SLIT2: variants seen among roughly 807,000 people sequenced by gnomAD.
SLIT2 encodes the protein slit guidance ligand 2, also known as slit homolog 2 protein.
SLIT2 carries 41 observed loss-of-function variants against 185.7 expected under a neutral mutation model. That is an observed-to-expected ratio of 0.22 (90% confidence interval 0.17 to 0.29). The LOEUF (loss-of-function observed/expected upper bound fraction) is 0.29, where lower values mean the gene tolerates loss of function less well. Ranked by LOEUF, SLIT2 falls within the 10% of genes least tolerant of loss-of-function variation. The pLI is 1.00. For synonymous variants in SLIT2, 693 were observed against 680.2 expected, an observed-to-expected ratio of 1.02 and a Z score of -0.29; for missense variants, 1,571 against 1,909.0, an observed-to-expected ratio of 0.82 and a Z score of 3.30.
At chr4:20,597,320 G>A (rs1350349096) in intron 32 of SLIT2, among the ~76,000 whole-genome samples, 1 of 151,830 alleles carries the variant, frequency 6.6e-6, no homozygotes, top group Non-Finnish European at 1.5e-5. Context: ...TACCCACTTC[G>A]GCCTCCCAAA....
At chr4:20,436,742 G>A (rs1411773872) in intron 4 of SLIT2, among the ~76,000 whole-genome samples, 1 of 152,144 alleles carries the variant, frequency 6.6e-6, no homozygotes, top group Non-Finnish European at 1.5e-5. Context: ...ACCATGAAGC[G>A]GAGAAATTGC....
At chr4:20,450,933 G>C (rs1425173196) in intron 4 of SLIT2, among the ~76,000 whole-genome samples, 1 of 152,122 alleles carries the variant, frequency 6.6e-6, no homozygotes, top group Non-Finnish European at 1.5e-5. Flanking sequence ...AAAGAAAAAG[G>C]AGACCCTAAT....
At chr4:20,431,996 ACT>A (rs962195204) in intron 4 of SLIT2, among the ~76,000 whole-genome samples, 4 of 134,438 alleles carry the variant, frequency 3.0e-5, no homozygotes, top group African/African-American at 1.1e-4. Context: ...TAAATCTCTC[ACT>A]CTCTGTGTGT....
At chr4:20,459,268 A>T (rs1161926276) in intron 4 of SLIT2, among the ~76,000 whole-genome samples, 1 of 152,218 alleles carries the variant, frequency 6.6e-6, no homozygotes, top group Non-Finnish European at 1.5e-5. Flanking sequence ...GGAAAGACAT[A>T]CATAGAAGAG....
chr4:20,459,542 C>G (rs985192137), intron 4 of SLIT2, among the ~76,000 whole-genome samples: 1 of 152,074 alleles, frequency 6.6e-6, no homozygotes, highest in Non-Finnish European at 1.5e-5. Context: ...TGTATATCAC[C>G]TGAAAGGAGA....
chr4:20,425,209 A>G (rs907861801), intron 4 of SLIT2, among the ~76,000 whole-genome samples: 2 of 152,124 alleles, frequency 1.3e-5, no homozygotes, highest in African/African-American at 4.8e-5. Context: ...TATTTAAACA[A>G]TAAGTTTTAA....
intron 29 of SLIT2, among the ~76,000 whole-genome samples, chr4:20,573,938 TTTTATTTATTTATTTA>T (rs10673597): frequency 1.4e-5 from 2 of 140,718 alleles, no homozygotes; most frequent in African/African-American, 5.3e-5. Context: ...CATAGAATTA[TTTTATTTATTTATTTA>T]TTTATTTATT....
Position 20,528,872 on chromosome 4 carries a change from C to G in SLIT2, c.1463-77C>G. 5 of 1,220,508 alleles carry G rather than the reference C, an allele frequency of 4.1e-6. No individual in the cohort carries two copies. Among genetic ancestry groups the G allele is most frequent in the Non-Finnish European group, 5.7e-6 (5 of 873,940 alleles). The allele number at this position is 1,220,508 out of a possible 1,614,324, so 75.6% of individuals were successfully genotyped here. ...TGCTACATAATCTATAGTTATCTTA[C>G]TTTTTTCTTCCTACAAACTAATAAA... On this transcript the variant is annotated intron_variant, in intron 15 of 36. Coordinates refer to ENST00000504154, the MANE Select transcript of SLIT2 (RefSeq NM_004787.4). This position sits in a 1 kb window ranked among gnomAD's most constrained non-coding sequence, Gnocchi z 4.2.
chr4:20,460,714 C>T (rs1713608961), intron 4 of SLIT2, among the ~76,000 whole-genome samples: 1 of 152,186 alleles, frequency 6.6e-6, no homozygotes, highest in South Asian at 2.1e-4. Flanking sequence ...TTAACCTCTA[C>T]TTCTATGAGA....
chr4:20,337,044 A>T, intron 4 of SLIT2, among the ~76,000 whole-genome samples: 1 of 152,132 alleles, frequency 6.6e-6, no homozygotes, highest in East Asian at 1.9e-4. Context: ...AGAGTATTTT[A>T]TTAGAATTCT....
At chr4:20,410,446 G>A (rs1257718311) in intron 4 of SLIT2, among the ~76,000 whole-genome samples, 13 of 151,014 alleles carry the variant, frequency 8.6e-5, no homozygotes, top group African/African-American at 2.9e-4. Context: ...AGTAGAGATG[G>A]GGTTTCACCA....
chr4:20,349,765 G>C (rs1340154156), intron 4 of SLIT2, among the ~76,000 whole-genome samples: 1 of 152,178 alleles, frequency 6.6e-6, no homozygotes, highest in Middle Eastern at 3.4e-3. Flanking sequence ...TGACCCTATG[G>C]GTTCAGTTCT....
chr4:20,470,694 GC>G (rs1714897996), intron 5 of SLIT2, among the ~76,000 whole-genome samples: 1 of 152,046 alleles, frequency 6.6e-6, no homozygotes, highest in Non-Finnish European at 1.5e-5. Flanking sequence ...TCCCACCTCA[GC>G]CCCCTGAGTA....
chr4:20,368,744 G>A (rs1441551324), intron 4 of SLIT2, among the ~76,000 whole-genome samples: 3 of 152,052 alleles, frequency 2.0e-5, no homozygotes, highest in African/African-American at 7.2e-5. Context: ...TAAATATGAG[G>A]AATTAAGGCA....
intron 9 of SLIT2, among the ~76,000 whole-genome samples, chr4:20,508,526 G>A (rs1719411369): frequency 6.6e-6 from 1 of 151,958 alleles, no homozygotes; most frequent in Non-Finnish European, 1.5e-5. Context: ...TGTATGATAT[G>A]TTATTGGATG....
chr4:20,303,726 TTCTG>T (rs1303733319), intron 4 of SLIT2, among the ~76,000 whole-genome samples: 2 of 152,204 alleles, frequency 1.3e-5, no homozygotes, highest in African/African-American at 4.8e-5. Context: ...GGTTTCTTCT[TTCTG>T]TCTATGTGGG....
chr4:20,505,722 A>C (rs1269619884), intron 9 of SLIT2, among the ~76,000 whole-genome samples: 1 of 152,102 alleles, frequency 6.6e-6, no homozygotes, highest in East Asian at 1.9e-4. Flanking sequence ...ATAGCTGCAC[A>C]TAATTAACAT....
rs1257895153 is a variant in SLIT2 at position 20,252,098 on chromosome 4, C to CGGGAGTGCTGAGCAGAAAG, written c.-1712_-1694dup. Among the ~76,000 whole-genome samples, 2 of 152,048 alleles carry CGGGAGTGCTGAGCAGAAAG rather than the reference C, an allele frequency of 1.3e-5. No homozygotes were observed. Among genetic ancestry groups the CGGGAGTGCTGAGCAGAAAG allele is most frequent in the Non-Finnish European group, 2.9e-5 (2 of 68,000 alleles). ...AAGCTGCCGCGCTTTCTGGGCACGG[C>CGGGAGTGCTGAGCAGAAAG]GGGAGTGCTGAGCAGAAAGGGGAGC... On this transcript the variant is annotated 5_prime_UTR_variant, in exon 1 of 37. Transcript: ENST00000504154.
At position 20,589,637 on chromosome 4, in the gene SLIT2, G is replaced by A. The variant is rs1278075093; in HGVS notation, c.3089-7G>A. 2.5e-6 allele frequency: 4 copies of A among 1,612,240 alleles called. No homozygotes were observed. Among genetic ancestry groups the A allele is most frequent in the Admixed American group, 1.7e-5 (1 of 59,988 alleles). On this transcript the variant is annotated splice_polypyrimidine_tract_variant and splice_region_variant and intron_variant, in intron 29 of 36. Coordinates refer to ENST00000504154, the MANE Select transcript of SLIT2 (RefSeq NM_004787.4). ...TCTATGAGCTAACACTGTTTGCCCT[G>A]TTGCAGGTGAGTTGTGTGAGGAGAA... is the stretch of plus-strand genomic sequence containing the variant.
Sources: gnomAD v4.1 joint callset for allele counts (sites outside exome capture counted in the v4.1 genomes callset) on GRCh38, gnomAD v4.1.1 for gene constraint, Gnocchi (gnomAD v3.1) non-coding constraint, MANE v1.5 for transcripts, NCBI Gene and HGNC (gene_info 2026-07-23, HGNC 2026-07-21) for gene names.